Variants in FREM2 observed in about 807,000 individuals in gnomAD.
FREM2 encodes the protein FRAS1-related extracellular matrix protein 2.
Under a neutral mutation model 219.9 loss-of-function variants are expected in FREM2, and 119 were observed. The ratio of observed to expected loss-of-function variants is 0.54; its 90% CI spans 0.47 to 0.63. The LOEUF (loss-of-function observed/expected upper bound fraction) is 0.63. Among genes scored for constraint, FREM2 ranks in the 30% least tolerant of loss-of-function variants. FREM2 has a pLI of 0.00. For synonymous variants in FREM2, 1,562 were observed against 1,522.8 expected, an observed-to-expected ratio of 1.03 and a Z score of -0.60; for missense variants, 4,030 against 3,993.6, an observed-to-expected ratio of 1.01 and a Z score of -0.25.
intron 6 of FREM2, among the ~76,000 whole-genome samples, chr13:38,809,132 T>G (rs1698358291): frequency 6.6e-6 from 1 of 151,656 alleles, no homozygotes; most frequent in Admixed American, 6.6e-5. Context: ...AAGCCTTGTC[T>G]TCAAGTTCAG....
Position 38,876,144 on chromosome 13 carries a change from T to G in FREM2, c.8404T>G (p.Phe2802Val). 1.2e-6 allele frequency: 2 copies of G among 1,614,176 alleles called. No individual in the cohort carries two copies. Residue 2802 changes from phenylalanine to valine, a missense_variant, in exon 19 of 24, where the codon TTT becomes GTT. Phe to Val is a conservative substitution (Grantham distance 50). Transcript: ENST00000280481. The part of the protein sequence containing the change: ...PVQQWSFVSD[F>V]AVRDYSGTYT... ...ACAGCAGTGGAGCTTTGTCTCTGAC[T>G]TTGCCGTAAGTGACTAAGACTCTTA...
chr13:38,692,245 C>A lies in FREM2; in HGVS notation c.4901C>A (p.Thr1634Lys), dbSNP rs74781600. The A allele has an allele frequency of 1.2e-6, 2 of 1,614,082 alleles. No individual in the cohort carries two copies. Among genetic ancestry groups the A allele is most frequent in the Non-Finnish European group, 1.7e-6 (2 of 1,179,996 alleles). Residue 1634 changes from threonine to lysine, a missense_variant, in exon 1 of 24, where the codon ACG (threonine) becomes AAG (lysine). Physicochemically the swap from Thr to Lys is moderately conservative, Grantham distance 78. This residue lies in a region of FREM2 where 3,102 missense variants were observed against 2,950.7 expected (regional missense o/e 1.05). Coordinates refer to ENST00000280481, the MANE Select transcript of FREM2 (RefSeq NM_207361.6). ...THTDFYVFPDTVFETRRPQVM... is the reference protein window; with the variant it reads ...THTDFYVFPDKVFETRRPQVM... ...ACAGACTTCTATGTTTTTCCTGATA[C>A]GGTGTTTGAAACAAGGAGACCCCAA... is the stretch of plus-strand genomic sequence containing the variant.
chr13:38,847,876 C>T (rs1958483806), intron 7 of FREM2, among the ~76,000 whole-genome samples: 2 of 152,080 alleles, frequency 1.3e-5, no homozygotes, highest in Admixed American at 6.6e-5. Flanking sequence ...GATATAACCC[C>T]CTTTGTCTGA....
rs551641719 is a variant in FREM2 at position 38,787,753 on chromosome 13, TTTATTATTTA to T, written c.6019+2959_6019+2968del. On this transcript the variant is annotated intron_variant, in intron 6 of 23. Coordinates refer to ENST00000280481, the MANE Select transcript of FREM2 (RefSeq NM_207361.6). ...TTATTGTTATTTATTAATGTTATTA[TTTATTATTTA>T]TTATTATTTATTAATTTAGCAATAT... Among the ~76,000 whole-genome samples the T allele has an allele frequency of 6.6e-4, 99 of 148,996 alleles. 1 individual carries two copies. The South Asian group carries it at 0.02, about 30-fold the overall frequency.
chr13:38,874,406 A>T, intron 17 of FREM2, 76 bp from the exon 18 acceptor site: 1 of 1,173,034 alleles, frequency 8.5e-7, no homozygotes, highest in Non-Finnish European at 1.3e-6. Context: ...AACCTGAATT[A>T]ATTTTTGGAA....
rs1488590223 is a variant in FREM2 at position 38,878,934 on chromosome 13, C to A, written c.8963C>A (p.Pro2988His). 1 of 1,613,980 alleles carries A rather than the reference C, an allele frequency of 6.2e-7. No individual in the cohort carries two copies. Among genetic ancestry groups the A allele is most frequent in the Non-Finnish European group, 8.5e-7 (1 of 1,179,964 alleles). ...GAAGCCATTCTCTTAGTGAATCAGC[C>A]TGGATCTGATGGATTTAAAGTCGAC... ...DPEAILLVNQPGSDGFKVDST... is the reference protein window; with the variant it reads ...DPEAILLVNQHGSDGFKVDST... Residue 2988 changes from proline (P) to histidine (H), a missense_variant, in exon 23 of 24, where the codon CCT (proline) becomes CAT (histidine). This residue lies in a region of FREM2 where 928 missense variants were observed against 1,042.9 expected (regional missense o/e 0.89). Transcript: ENST00000280481.
At chr13:38,709,166 C>T (rs955199874) in intron 2 of FREM2, among the ~76,000 whole-genome samples, 10 of 152,192 alleles carry the variant, frequency 6.6e-5, no homozygotes, top group Non-Finnish European at 1.3e-4. Context: ...CTGCACATGC[C>T]ATGCTACTTC....
At chr13:38,853,342 C>G (rs1450717839) in intron 11 of FREM2, among the ~76,000 whole-genome samples, 1 of 146,620 alleles carries the variant, frequency 6.8e-6, no homozygotes, top group Non-Finnish European at 1.5e-5. Flanking sequence ...AAAAACAAAT[C>G]AGTTCTTCTC....
At chr13:38,814,738 A>T (rs1194775159) in intron 6 of FREM2, among the ~76,000 whole-genome samples, 3 of 152,100 alleles carry the variant, frequency 2.0e-5, no homozygotes, top group Non-Finnish European at 4.4e-5. Flanking sequence ...AACTTACCTG[A>T]TGTTCTATTC....
chr13:38,881,153 G>T lies in FREM2; in HGVS notation c.*366G>T. On this transcript the variant is annotated 3_prime_UTR_variant, in exon 24 of 24. Transcript: ENST00000280481. ...AGAGGAATCTACTGTTGCTATGTTA[G>T]TGTGAATGTTGAAGGTGCAATTATC... is the stretch of plus-strand genomic sequence containing the variant. 3.2e-6 allele frequency: 1 copy of T among 313,122 alleles called. No individual in the cohort carries two copies. The allele number at this position is 313,122 out of a possible 1,614,324, so 19.4% of individuals were successfully genotyped here.
At chr13:38,793,287 A>T (rs902234196) in intron 6 of FREM2, among the ~76,000 whole-genome samples, 1 of 152,196 alleles carries the variant, frequency 6.6e-6, no homozygotes, top group Non-Finnish European at 1.5e-5. Flanking sequence ...TAAGTTCTCT[A>T]CTAAGACAAG....
intron 2 of FREM2, among the ~76,000 whole-genome samples, chr13:38,750,525 C>T (rs1362868408): frequency 6.6e-6 from 1 of 152,132 alleles, no homozygotes; most frequent in Non-Finnish European, 1.5e-5. Context: ...TCCATTCATC[C>T]ATTGATGAAT....
chr13:38,849,202 C>T (rs1877278897), intron 8 of FREM2, among the ~76,000 whole-genome samples: 1 of 152,130 alleles, frequency 6.6e-6, no homozygotes, highest in African/African-American at 2.4e-5. Flanking sequence ...CCTTTCTCCT[C>T]CTGATGATTT....
intron 1 of FREM2, among the ~76,000 whole-genome samples, chr13:38,693,367 AAC>A (rs1869978308): frequency 6.6e-6 from 1 of 152,232 alleles, no homozygotes; most frequent in Non-Finnish European, 1.5e-5. Context: ...AGTGACAAAA[AAC>A]AGTTGCTTCA....
chr13:38,689,117 A>G lies in FREM2; in HGVS notation c.1773A>G (p.Ser591=), dbSNP rs754817726. 13 of 1,613,922 alleles carry G rather than the reference A, an allele frequency of 8.1e-6. No homozygotes were observed. The highest frequency in any genetic ancestry group is 1.0e-5 in the Non-Finnish European group (12 of 1,180,034). The part of the protein sequence containing the change: ...PLSLSATDMD[S]DDSLLLFVLE... ...CCCTGAGTGCAACTGACATGGATTC[A>G]GATGATTCTCTGCTGCTTTTTGTGC... Residue 591 remains serine, a synonymous_variant, in exon 1 of 24, where the codon TCA becomes TCG. Transcript: ENST00000280481.
intron 6 of FREM2, among the ~76,000 whole-genome samples, chr13:38,826,122 G>A (rs964167166): frequency 1.3e-5 from 2 of 151,996 alleles, no homozygotes; most frequent in Non-Finnish European, 2.9e-5. Context: ...AAAGACTGCA[G>A]GAAATAAGCA....
chr13:38,845,243 TACTCA>T (rs1485038128), intron 6 of FREM2, among the ~76,000 whole-genome samples: 5 of 148,838 alleles, frequency 3.4e-5, no homozygotes, highest in African/African-American at 5.0e-5. Context: ...AAAGAAATCA[TACTCA>T]ACTTGAACAA....
In FREM2 at chr13:38,784,732, G is replaced by A; in HGVS notation, c.5943G>A (p.Leu1981=). The change falls in exon 6 of 24, where the codon CTG becomes CTA. Residue 1981 remains leucine (L), a synonymous_variant. Coordinates refer to ENST00000280481, the MANE Select transcript of FREM2 (RefSeq NM_207361.6). ...YEEEETFHVL[L]SMPMGGRIGS... is the part of the protein sequence containing the mutation. ...AGGAGGAAACCTTCCATGTCCTTCT[G>A]AGCATGCCCATGGGGGGAAGAATCG... is the stretch of plus-strand genomic sequence containing the variant. 6.2e-7 allele frequency: 1 copy of A among 1,614,160 alleles called. No individual in the cohort carries two copies. Among genetic ancestry groups the A allele is most frequent in the Non-Finnish European group, 8.5e-7 (1 of 1,179,986 alleles).
At chr13:38,695,857 C>T (rs1870088508) in intron 1 of FREM2, among the ~76,000 whole-genome samples, 1 of 152,076 alleles carries the variant, frequency 6.6e-6, no homozygotes, top group African/African-American at 2.4e-5. Flanking sequence ...AATTGAGAAA[C>T]ATTTGCGCCT....
Sources: allele counts gnomAD v4.1 joint callset (sites outside exome capture counted in the v4.1 genomes callset), GRCh38; gene constraint gnomAD v4.1.1; regional missense constraint gnomAD v4.1.1; transcripts MANE v1.5; gene names NCBI Gene and HGNC (gene_info 2026-07-23, HGNC 2026-07-21).